The following KCNQ1OT1 variants were observed in gnomAD, a reference collection of about 807,000 sequenced individuals.
KCNQ1OT1 encodes KCNQ1 antisense RNA 2 (non-protein coding).
exon 1 of KCNQ1OT1, chr11:2,640,955 A>G (rs909603953): frequency 1.0e-5 from 4 of 398,808 alleles, no homozygotes; most frequent in African/African-American, 2.1e-5. Flanking sequence ...GCTTAAAATA[A>G]TGACCTCCAG....
chr11:2,693,683 C>G lies in KCNQ1OT1; in HGVS notation n.6312G>C, dbSNP rs1024952777. The stretch of plus-strand genomic sequence containing the variant: ...GTTCCGCAGACAGAGCAGCCAGAGA[C>G]TGGGTGCGCTCCAGCCTCATGGGCC... On this transcript the variant is annotated non_coding_transcript_exon_variant, in exon 1 of 1. Coordinates refer to ENST00000597346, the Ensembl canonical transcript of KCNQ1OT1. The G allele has an allele frequency of 5.3e-5, 21 of 398,554 alleles. No homozygotes were observed. Among genetic ancestry groups the G allele is most frequent in the Middle Eastern group, 6.2e-4 (1 of 1,610 alleles). The allele number at this position is 398,554 out of a possible 1,614,324, so 24.7% of individuals were successfully genotyped here. A position where few individuals can be genotyped will look rare whatever the true frequency, so the allele number is the denominator to read the frequency against.
Position 2,664,875 on chromosome 11 carries a change from A to G in KCNQ1OT1, n.35120T>C, listed in dbSNP as rs1314731675. On this transcript the variant is annotated non_coding_transcript_exon_variant, in exon 1 of 1. Transcript: ENST00000597346. The surrounding 1 kb of genome is among the most constrained non-coding windows in gnomAD (Gnocchi z 5.1). ...GGCCAGTTCCAGAATTCAAATTAAA[A>G]ACATAAATAAAGACACATTTTGTTT... 6 of 398,566 alleles carry G rather than the reference A, an allele frequency of 1.5e-5. No individual in the cohort carries two copies. The highest frequency in any genetic ancestry group is 2.7e-5 in the Non-Finnish European group (6 of 226,094). The allele number at this position is 398,566 out of a possible 1,614,324, so 24.7% of individuals were successfully genotyped here.
Position 2,620,641 on chromosome 11 carries a change from TG to T in KCNQ1OT1, n.79353del. The stretch of plus-strand genomic sequence containing the variant: ...GTCTTTGCTGTTGTGAATAGTGCTG[TG>T]ATGAACATACAAATGCATGTGTCTT... On this transcript the variant is annotated non_coding_transcript_exon_variant, in exon 1 of 1. Transcript: ENST00000597346. This position sits in a 1 kb window ranked among gnomAD's most constrained non-coding sequence, Gnocchi z 4.5. The T allele has an allele frequency of 2.5e-6, 1 of 398,230 alleles. No homozygotes were observed. Among genetic ancestry groups the T allele is most frequent in the Non-Finnish European group, 4.4e-6 (1 of 226,008 alleles). 24.7% of individuals were successfully genotyped at this position (398,230 alleles called of 1,614,324 possible). A position where few individuals can be genotyped will look rare whatever the true frequency, so the allele number is the denominator to read the frequency against.
Position 2,642,320 on chromosome 11 carries a change from T to C in KCNQ1OT1, n.57675A>G. 2.5e-6 allele frequency: 1 copy of C among 398,254 alleles called. No homozygotes were observed. The highest frequency in any genetic ancestry group is 4.4e-6 in the Non-Finnish European group (1 of 225,864). 24.7% of individuals were successfully genotyped at this position (398,254 alleles called of 1,614,324 possible). On this transcript the variant is annotated non_coding_transcript_exon_variant, in exon 1 of 1. Transcript: ENST00000597346. This position sits in a 1 kb window ranked among gnomAD's most constrained non-coding sequence, Gnocchi z 4.3. Reference sequence around the variant, plus strand: ...CTTTTGTAGTTTTCCTTGTTAGAGGTTTCTCACCTCTTTGGTTAAACTCAT... The same window carrying C: ...CTTTTGTAGTTTTCCTTGTTAGAGGCTTCTCACCTCTTTGGTTAAACTCAT...
Position 2,647,327 on chromosome 11 carries a change from A to G in KCNQ1OT1, n.52668T>C, listed in dbSNP as rs922111060. 1 of 398,524 alleles carries G rather than the reference A, an allele frequency of 2.5e-6. No homozygotes were observed. The allele number at this position is 398,524 out of a possible 1,614,324, so 24.7% of individuals were successfully genotyped here. ...TCCTTGAATCCCTGGGATAAATCCC[A>G]CTTGATTATGGTGTATTATCTTTTT... On this transcript the variant is annotated non_coding_transcript_exon_variant, in exon 1 of 1. Coordinates refer to ENST00000597346, the Ensembl canonical transcript of KCNQ1OT1. This position sits in a 1 kb window ranked among gnomAD's most constrained non-coding sequence, Gnocchi z 4.0.
chr11:2,644,493 C>G, exon 1 of KCNQ1OT1: 1 of 398,164 alleles, frequency 2.5e-6, no homozygotes, highest in Non-Finnish European at 4.4e-6. Flanking sequence ...TTTCTGATTT[C>G]TTTGTATAGT....
At chr11:2,636,379 G>C (rs1405287805) in exon 1 of KCNQ1OT1, 1 of 151,934 alleles carries the variant, frequency 6.6e-6, no homozygotes, top group East Asian at 1.9e-4. Context: ...AATTTATTGA[G>C]AGTTTTTAGC....
At chr11:2,681,014 T>G (rs994319793) in exon 1 of KCNQ1OT1, 44 of 398,464 alleles carry the variant, frequency 1.1e-4, no homozygotes, top group Non-Finnish European at 3.1e-5. Flanking sequence ...TCTTTTATTA[T>G]GAAAGCCTCC....
chr11:2,694,672 T>A (rs1850644663), exon 1 of KCNQ1OT1: 2 of 398,626 alleles, frequency 5.0e-6, no homozygotes, highest in East Asian at 7.1e-5. Context: ...GCGGACCCTA[T>A]ACGGAAGACA....
rs113792168 is a variant in KCNQ1OT1 at position 2,626,024 on chromosome 11, A to G, written n.73971T>C. ...TGCTTAGTTGATATTATTTTAATGC[A>G]CACAATGTAAATTTTTAAAATTTAT... On this transcript the variant is annotated non_coding_transcript_exon_variant, in exon 1 of 1. Coordinates refer to ENST00000597346, the Ensembl canonical transcript of KCNQ1OT1. This position sits in a 1 kb window ranked among gnomAD's most constrained non-coding sequence, Gnocchi z 4.0. 2.5e-6 allele frequency: 1 copy of G among 398,620 alleles called. No individual in the cohort carries two copies. Among genetic ancestry groups the G allele is most frequent in the African/African-American group, 2.1e-5 (1 of 48,762 alleles). 24.7% of individuals were successfully genotyped at this position (398,620 alleles called of 1,614,324 possible).
In KCNQ1OT1 at chr11:2,682,162, ATCAAGCTC is replaced by A; in HGVS notation, n.17825_17832del. The A allele has an allele frequency of 2.5e-6, 1 of 398,594 alleles. No homozygotes were observed. Among genetic ancestry groups the A allele is most frequent in the South Asian group, 1.3e-4 (1 of 7,850 alleles). 24.7% of individuals were successfully genotyped at this position (398,594 alleles called of 1,614,324 possible). A position where few individuals can be genotyped will look rare whatever the true frequency, so the allele number is the denominator to read the frequency against. On this transcript the variant is annotated non_coding_transcript_exon_variant, in exon 1 of 1. Coordinates refer to ENST00000597346, the Ensembl canonical transcript of KCNQ1OT1. This position sits in a 1 kb window ranked among gnomAD's most constrained non-coding sequence, Gnocchi z 5.8. ...CAAATATTCTTTCAGTATTAAACAT[ATCAAGCTC>A]TCTCCTGACCTTCTCTCCCCTTCCC...
At position 2,657,491 on chromosome 11, in the gene KCNQ1OT1, A is replaced by AT. The variant is rs1849870770; in HGVS notation, n.42503dup. ...GTTCTGTTTTCTCTTGTTACCTCACATTTTTTATTTACAGAAGAGAAACAA... is the reference window on the plus strand; with the variant it reads ...GTTCTGTTTTCTCTTGTTACCTCACATTTTTTTATTTACAGAAGAGAAACAA... On this transcript the variant is annotated non_coding_transcript_exon_variant, in exon 1 of 1. Coordinates refer to ENST00000597346, the Ensembl canonical transcript of KCNQ1OT1. This position sits in a 1 kb window ranked among gnomAD's most constrained non-coding sequence, Gnocchi z 4.8. The AT allele has an allele frequency of 2.5e-6, 1 of 398,360 alleles. No individual in the cohort carries two copies. Among genetic ancestry groups the AT allele is most frequent in the South Asian group, 1.3e-4 (1 of 7,858 alleles). 24.7% of individuals were successfully genotyped at this position (398,360 alleles called of 1,614,324 possible).
At chr11:2,675,918 A>G in exon 1 of KCNQ1OT1, 1 of 398,690 alleles carries the variant, frequency 2.5e-6, no homozygotes, top group Non-Finnish European at 4.4e-6. Context: ...CAAAAATCAT[A>G]CAACAGTCTT....
exon 1 of KCNQ1OT1, chr11:2,646,265 G>C (rs1849663861): frequency 2.5e-6 from 1 of 398,476 alleles, no homozygotes; most frequent in South Asian, 1.3e-4. Context: ...TATCTGGATA[G>C]GGATTTCATA....
In KCNQ1OT1 at chr11:2,654,756, G is replaced by A. The variant is rs1295308009; in HGVS notation, n.45239C>T. The A allele has an allele frequency of 1.0e-5, 4 of 398,600 alleles. No individual in the cohort carries two copies. Among genetic ancestry groups the A allele is most frequent in the African/African-American group, 4.1e-5 (2 of 48,588 alleles). 24.7% of individuals were successfully genotyped at this position (398,600 alleles called of 1,614,324 possible). On this transcript the variant is annotated non_coding_transcript_exon_variant, in exon 1 of 1. Coordinates refer to ENST00000597346, the Ensembl canonical transcript of KCNQ1OT1. The surrounding 1 kb of genome is among the most constrained non-coding windows in gnomAD (Gnocchi z 6.4). ...GGCAGGGAGGGGTCTGGGGCTCGAT[G>A]AGAAGGCAGAGGAAGTGAGACCAGA...
exon 1 of KCNQ1OT1, chr11:2,643,349 G>A (rs1379603119): frequency 2.5e-6 from 1 of 398,256 alleles, no homozygotes; most frequent in Non-Finnish European, 4.4e-6. Context: ...GGTGTTGGGT[G>A]CATATATGTT....
At chr11:2,646,479 T>G (rs1849668040) in exon 1 of KCNQ1OT1, 1 of 398,622 alleles carries the variant, frequency 2.5e-6, no homozygotes. Flanking sequence ...TTTCTTCATT[T>G]CTCTTTTGGC....
exon 1 of KCNQ1OT1, chr11:2,614,732 T>C (rs1253648799): frequency 1.3e-5 from 5 of 398,324 alleles, no homozygotes; most frequent in Middle Eastern, 6.2e-4. Context: ...CATTGGTCTA[T>C]ATGTCCATCC....
rs1849793140 is a variant in KCNQ1OT1 at position 2,653,720 on chromosome 11, T to A, written n.46275A>T. The stretch of plus-strand genomic sequence containing the variant: ...AGAACGAGGTCATCTCTTCCAGGAT[T>A]CCTGCCAGAATCTAAGGCCAGGTTC... On this transcript the variant is annotated non_coding_transcript_exon_variant, in exon 1 of 1. Transcript: ENST00000597346. The surrounding 1 kb of genome is among the most constrained non-coding windows in gnomAD (Gnocchi z 5.3). The A allele has an allele frequency of 1.5e-5, 6 of 398,642 alleles. No individual in the cohort carries two copies. In the East Asian group the frequency reaches 2.1e-4, roughly 14 times the overall value. The allele number at this position is 398,642 out of a possible 1,614,324, so 24.7% of individuals were successfully genotyped here. A position where few individuals can be genotyped will look rare whatever the true frequency, so the allele number is the denominator to read the frequency against.
Sources: gnomAD v4.1 joint callset for allele counts on GRCh38, gnomAD v4.1.1 for gene constraint, Gnocchi (gnomAD v3.1) non-coding constraint, MANE v1.5 for transcripts, NCBI Gene and HGNC (gene_info 2026-07-23, HGNC 2026-07-21) for gene names.